The following TP53BP2 variants were observed in gnomAD, a reference collection of about 807,000 sequenced individuals.
The protein encoded by TP53BP2 is tumor protein p53 binding protein 2.
A neutral mutation model predicts 126.2 loss-of-function variants in TP53BP2; 62 were observed. The observed-to-expected ratio is 0.49, with a 90% CI of 0.40 to 0.61. The LOEUF (loss-of-function observed/expected upper bound fraction) is 0.61, where lower values mean the gene tolerates loss of function less well. Among genes scored for constraint, TP53BP2 ranks in the 20% least tolerant of loss-of-function variants. The pLI, the probability that TP53BP2 is intolerant of heterozygous loss-of-function variation, is 0.00. For missense variants in TP53BP2, 1,215 were observed against 1,402.8 expected (o/e 0.87, Z 2.14); for synonymous variants, 485 against 502.9 (o/e 0.96, Z 0.48).
At chr1:223,824,407 C>T (rs907514176) in intron 1 of TP53BP2, among the ~76,000 whole-genome samples, 1 of 152,226 alleles carries the variant, frequency 6.6e-6, no homozygotes, top group East Asian at 1.9e-4. Context: ...TGGAGATTAG[C>T]TCTGCGGTGA....
Position 223,792,454 on chromosome 1 carries a change from G to C in TP53BP2, c.2931C>G (p.His977Gln). 1 of 1,613,942 alleles carries C rather than the reference G, an allele frequency of 6.2e-7. No homozygotes were observed. The highest frequency in any genetic ancestry group is 8.5e-7 in the Non-Finnish European group (1 of 1,179,934). Residue 977 changes from histidine to glutamine, a missense_variant, in exon 15 of 18, where the codon CAC becomes CAG. Around this residue, in one of 4 missense-constraint regions of TP53BP2, gnomAD observed 151 missense variants for 231.2 expected, o/e 0.65. Coordinates refer to ENST00000343537, the MANE Select transcript of TP53BP2 (RefSeq NM_001031685.3). Reference sequence around the variant, plus strand: ...GTACCAGGAACTTAACGATTTCTGTGTGGCCTGCACACACAGCATTGTGAA... The same window carrying C: ...GTACCAGGAACTTAACGATTTCTGTCTGGCCTGCACACACAGCATTGTGAA... ...TALHNAVCAGHTEIVKFLVQF... is the reference protein window; with the variant it reads ...TALHNAVCAGQTEIVKFLVQF...
chr1:223,783,153 G>A (rs1053360037), intron 17 of TP53BP2, among the ~76,000 whole-genome samples: 6 of 152,290 alleles, frequency 3.9e-5, no homozygotes, highest in East Asian at 1.9e-4. Context: ...ATGTCCATCC[G>A]ACACTTGATG....
Position 223,780,122 on chromosome 1 carries a change from G to A in TP53BP2, c.*731C>T, listed in dbSNP as rs1661719357. 1 of 152,148 alleles carries A rather than the reference G, an allele frequency of 6.6e-6. No homozygotes were observed. The allele number at this position is 152,148 out of a possible 1,614,324, so 9.4% of individuals were successfully genotyped here. A position where few individuals can be genotyped will look rare whatever the true frequency, so the allele number is the denominator to read the frequency against. On this transcript the variant is annotated 3_prime_UTR_variant, in exon 18 of 18. Transcript: ENST00000343537. ...AAAGTTTATTACAACTGTTTTTAAA[G>A]TCAGCTATGATCTTGACAAATATTA... is the stretch of plus-strand genomic sequence containing the variant.
intron 2 of TP53BP2, among the ~76,000 whole-genome samples, chr1:223,815,631 T>C (rs1207759800): frequency 6.6e-6 from 1 of 152,230 alleles, no homozygotes; most frequent in Non-Finnish European, 1.5e-5. Context: ...GGCCCTGTGA[T>C]GGCAAAAGAT....
chr1:223,804,271 C>A lies in TP53BP2; in HGVS notation c.552G>T (p.Arg184Ser), dbSNP rs1662637145. The stretch of plus-strand genomic sequence containing the variant: ...CCTGATTCTCAGCTATTTCTTTTAG[C>A]CTTTTAAGTTTCTCCTGCTCAGCAA... The part of the protein sequence containing the change: ...QQVAEQEKLK[R>S]LKEIAENQEA... Residue 184 changes from arginine (R) to serine (S), a missense_variant, in exon 6 of 18, where the codon AGG becomes AGT. Physicochemically the swap from Arg to Ser is moderately radical, Grantham distance 110. Transcript: ENST00000343537. The A allele has an allele frequency of 1.9e-6, 3 of 1,613,972 alleles. No homozygotes were observed. The highest frequency in any genetic ancestry group is 1.7e-5 in the Admixed American group (1 of 59,992).
At chr1:223,842,669 C>G (rs1206329770) in intron 1 of TP53BP2, among the ~76,000 whole-genome samples, 1 of 152,218 alleles carries the variant, frequency 6.6e-6, no homozygotes, top group Non-Finnish European at 1.5e-5. Flanking sequence ...GTTAGCCAAG[C>G]TCTTTCTTAA....
chr1:223,807,204 G>A (rs1275795765), intron 4 of TP53BP2, among the ~76,000 whole-genome samples: 1 of 152,126 alleles, frequency 6.6e-6, no homozygotes, highest in Admixed American at 6.5e-5. Context: ...AAATTAAATA[G>A]TTTCAACAGT....
chr1:223,788,885 A>G, intron 16 of TP53BP2, 123 bp downstream of exon 16: 2 of 972,016 alleles, frequency 2.1e-6, no homozygotes, highest in East Asian at 2.5e-5. Context: ...TTGTATTTTC[A>G]AGGCCCAAGA....
intron 3 of TP53BP2, 84 bp from the exon 4 acceptor site, chr1:223,810,597 T>G: frequency 3.3e-6 from 3 of 914,778 alleles, no homozygotes; most frequent in Non-Finnish European, 4.9e-6. Context: ...GTTCTGTCAT[T>G]ACTGTTTGAT....
chr1:223,800,852 A>C, intron 9 of TP53BP2, 42 bp from the exon 10 acceptor site: 1 of 1,443,044 alleles, frequency 6.9e-7, no homozygotes, highest in Non-Finnish European at 9.5e-7. Context: ...CAGCATTCTA[A>C]AGAGATTTTT....
Position 223,793,457 on chromosome 1 carries a change from T to C in TP53BP2, c.2725-17A>G, listed in dbSNP as rs770781342. 9.0e-6 allele frequency: 14 copies of C among 1,553,694 alleles called. No homozygotes were observed. The highest frequency in any genetic ancestry group is 4.7e-5 in the East Asian group (2 of 42,778). On this transcript the variant is annotated splice_polypyrimidine_tract_variant and intron_variant, in intron 13 of 17. Transcript: ENST00000343537. ...CCTTTTACCCTGCAAAGAAAATGGG[T>C]GGAAAATTTAGGATCCTCGTCTATG... is the stretch of plus-strand genomic sequence containing the variant.
At chr1:223,792,309 C>T (rs1662179738) in intron 15 of TP53BP2, 80 bp downstream of exon 15, 2 of 1,474,920 alleles carry the variant, frequency 1.4e-6, no homozygotes, top group Non-Finnish European at 9.2e-7. Flanking sequence ...ACTTCTTTGT[C>T]TTCCAACAGC....
At chr1:223,834,816 C>T (rs1303429737) in intron 1 of TP53BP2, 2 of 985,172 alleles carry the variant, frequency 2.0e-6, no homozygotes, top group Non-Finnish European at 2.4e-6. Flanking sequence ...CCATCCATCC[C>T]TACCCACACA....
intron 5 of TP53BP2, among the ~76,000 whole-genome samples, chr1:223,806,074 T>C (rs1050973872): frequency 2.6e-5 from 4 of 151,884 alleles, no homozygotes; most frequent in Non-Finnish European, 5.9e-5. Flanking sequence ...AGTTTGTGGA[T>C]AAAGAATGTT....
At chr1:223,836,130 G>C (rs185157764) in intron 1 of TP53BP2, among the ~76,000 whole-genome samples, 2 of 152,282 alleles carry the variant, frequency 1.3e-5, no homozygotes, top group East Asian at 3.9e-4. Flanking sequence ...ACAAAGAAGA[G>C]ATGGGTCAAT....
At chr1:223,826,365 C>T (rs1348094927) in intron 1 of TP53BP2, among the ~76,000 whole-genome samples, 1 of 152,128 alleles carries the variant, frequency 6.6e-6, no homozygotes, top group Non-Finnish European at 1.5e-5. Context: ...ACTGAAAATT[C>T]TGCATTTCTA....
rs757110666 is a variant in TP53BP2, at chr1:223,802,825, T to A, written c.902A>T (p.Asn301Ile). 4 of 1,614,092 alleles carry A rather than the reference T, an allele frequency of 2.5e-6. No individual in the cohort carries two copies. The highest frequency in any genetic ancestry group is 8.5e-7 in the Non-Finnish European group (1 of 1,180,026). Residue 301 changes from asparagine to isoleucine, a missense_variant, in exon 8 of 18, where the codon AAT becomes ATT. Around this residue, in one of 4 missense-constraint regions of TP53BP2, gnomAD observed 814 missense variants for 853.0 expected, o/e 0.95. Transcript: ENST00000343537. ...CTTATCCATGACTGCCACTTCTGAA[T>A]TACGCTTATTCAAACACTCCCTCTG... is the stretch of plus-strand genomic sequence containing the variant. Reference protein sequence around the residue: ...QQQRECLNKRNSEVAVMDKRV... With the variant: ...QQQRECLNKRISEVAVMDKRV...
At chr1:223,789,386 C>T (rs1015979156) in intron 15 of TP53BP2, among the ~76,000 whole-genome samples, 1 of 152,112 alleles carries the variant, frequency 6.6e-6, no homozygotes, top group African/African-American at 2.4e-5. Flanking sequence ...AGTCATGGAC[C>T]ACAATGGGGC....
chr1:223,844,036 T>C (rs1259541574), intron 1 of TP53BP2, among the ~76,000 whole-genome samples: 5 of 152,322 alleles, frequency 3.3e-5, no homozygotes, highest in Admixed American at 2.6e-4. Flanking sequence ...AGCTGAGTAC[T>C]ATTATCCCCA....
Sources: gnomAD v4.1 joint callset for allele counts (sites outside exome capture counted in the v4.1 genomes callset) on GRCh38, gnomAD v4.1.1 for gene constraint, gnomAD v4.1.1 regional missense constraint, MANE v1.5 for transcripts, NCBI Gene and HGNC (gene_info 2026-07-23, HGNC 2026-07-21) for gene names.